Variants in FMNL2 observed in about 807,000 individuals in gnomAD.
The protein encoded by FMNL2 is formin-like protein 2.
Under a neutral mutation model 130.2 loss-of-function variants are expected in FMNL2, and 51 were observed. The observed-to-expected ratio is 0.39, with a 90% CI of 0.31 to 0.49. The LOEUF is 0.49. Among genes scored for constraint, FMNL2 ranks in the 20% least tolerant of loss-of-function variants. FMNL2 has a pLI of 0.85. For missense variants in FMNL2, 977 were observed against 1,316.2 expected, an observed-to-expected ratio of 0.74 and a Z score of 3.99; for synonymous variants, 465 against 467.1, an observed-to-expected ratio of 1.00 and a Z score of 0.06.
At chr2:152,633,099 C>T (rs1332487982) in intron 21 of FMNL2, among the ~76,000 whole-genome samples, 3 of 140,822 alleles carry the variant, frequency 2.1e-5, no homozygotes, top group African/African-American at 5.2e-5. Flanking sequence ...CTGTGCTCTT[C>T]TTTTTTTTTT....
chr2:152,350,810 C>T (rs970310550), intron 1 of FMNL2, among the ~76,000 whole-genome samples: 2 of 152,106 alleles, frequency 1.3e-5, no homozygotes, highest in East Asian at 1.9e-4. Flanking sequence ...TTTGAGAGGC[C>T]GAGGTGGGCA....
chr2:152,561,438 A>C (rs1695516676), intron 6 of FMNL2, among the ~76,000 whole-genome samples: 5 of 151,778 alleles, frequency 3.3e-5, no homozygotes, highest in South Asian at 4.2e-4. Context: ...GCTCTCTTTC[A>C]TTTCTCCAGT....
At chr2:152,366,232 G>A (rs1411824174) in intron 1 of FMNL2, among the ~76,000 whole-genome samples, 3 of 137,104 alleles carry the variant, frequency 2.2e-5, no homozygotes, top group Non-Finnish European at 3.0e-5. Context: ...ACAGTGAATT[G>A]AACAATGAGA....
chr2:152,349,199 A>T (rs1197124323), intron 1 of FMNL2, among the ~76,000 whole-genome samples: 1 of 152,132 alleles, frequency 6.6e-6, no homozygotes, highest in Non-Finnish European at 1.5e-5. Context: ...GAAGTTATAT[A>T]AGAAGGTGGT....
chr2:152,613,072 G>A (rs1490528474), intron 11 of FMNL2, among the ~76,000 whole-genome samples: 3 of 152,348 alleles, frequency 2.0e-5, no homozygotes, highest in East Asian at 1.9e-4. Context: ...CCCTTGAATA[G>A]ATGGGCCTAC....
chr2:152,539,214 G>C, intron 2 of FMNL2: 1 of 152,180 alleles, frequency 6.6e-6, no homozygotes, highest in Non-Finnish European at 1.5e-5. Flanking sequence ...CACCTCCAAA[G>C]TCTTGGTGAT....
chr2:152,515,786 G>A (rs1692734446), intron 1 of FMNL2, among the ~76,000 whole-genome samples: 1 of 152,166 alleles, frequency 6.6e-6, no homozygotes, highest in African/African-American at 2.4e-5. Context: ...GATAATGCAT[G>A]CAAAGAGCCT....
intron 1 of FMNL2, among the ~76,000 whole-genome samples, chr2:152,477,921 C>T (rs1690244582): frequency 6.6e-6 from 1 of 152,014 alleles, no homozygotes; most frequent in South Asian, 2.1e-4. Context: ...CTTCATACTA[C>T]ATGTAGATTT....
intron 15 of FMNL2, chr2:152,622,550 G>A (rs1440513574): frequency 2.2e-6 from 1 of 456,696 alleles, no homozygotes; most frequent in Non-Finnish European, 4.4e-6. Flanking sequence ...GGCCAATCAA[G>A]CTTTTCTGTA....
At chr2:152,454,682 A>G (rs1688850931) in intron 1 of FMNL2, among the ~76,000 whole-genome samples, 1 of 152,192 alleles carries the variant, frequency 6.6e-6, no homozygotes, top group South Asian at 2.1e-4. Context: ...GCAGAAAGGG[A>G]TGCTGGGAGC....
intron 15 of FMNL2, among the ~76,000 whole-genome samples, chr2:152,621,366 C>G (rs895839755): frequency 2.0e-5 from 3 of 152,210 alleles, no homozygotes; most frequent in Non-Finnish European, 4.4e-5. Flanking sequence ...GGGCCATGTC[C>G]TGTGTGATTG....
At chr2:152,574,096 C>A (rs1191340265) in intron 6 of FMNL2, among the ~76,000 whole-genome samples, 1 of 152,066 alleles carries the variant, frequency 6.6e-6, no homozygotes, top group Admixed American at 6.6e-5. Flanking sequence ...AGAACTGGAT[C>A]AGTAAATAAA....
chr2:152,608,713 C>G (rs1698524718), intron 10 of FMNL2, among the ~76,000 whole-genome samples: 1 of 151,910 alleles, frequency 6.6e-6, no homozygotes, highest in East Asian at 1.9e-4. Context: ...GAGATTGGTG[C>G]CTTGTCTCAT....
intron 1 of FMNL2, among the ~76,000 whole-genome samples, chr2:152,494,530 C>T (rs1391806087): frequency 6.6e-6 from 1 of 152,236 alleles, no homozygotes; most frequent in Admixed American, 6.5e-5. Context: ...CTGAAAAATA[C>T]GGGTATCAAA....
chr2:152,360,011 T>C (rs1028766114), intron 1 of FMNL2, among the ~76,000 whole-genome samples: 34 of 152,302 alleles, frequency 2.2e-4, no homozygotes, highest in African/African-American at 7.9e-4. Flanking sequence ...TAGATACAAG[T>C]TGGGAAAGTG....
chr2:152,420,493 G>A (rs1420848510), intron 1 of FMNL2, among the ~76,000 whole-genome samples: 1 of 152,176 alleles, frequency 6.6e-6, no homozygotes. Context: ...GAAAGTACTG[G>A]CTTTAATAAG....
chr2:152,371,595 G>A lies in FMNL2; in HGVS notation c.117+35875G>A, dbSNP rs145542446. Among the ~76,000 whole-genome samples the A allele has an allele frequency of 5.1e-3, 767 of 151,068 alleles. 5 individuals carry two copies. The highest frequency in any genetic ancestry group is 6.2e-3 in the Non-Finnish European group (422 of 67,782). ...GAGGCAGGAGAATCGCTTGAACCTG[G>A]GAGGCAGAGGTTGCAGTGAGCAGAG... On this transcript the variant is annotated intron_variant, in intron 1 of 25. Coordinates refer to ENST00000288670, the MANE Select transcript of FMNL2 (RefSeq NM_052905.4).
intron 16 of FMNL2, 134 bp from the exon 17 acceptor site, chr2:152,626,391 A>G (rs916585259): frequency 6.4e-5 from 45 of 708,660 alleles, no homozygotes; most frequent in Non-Finnish European, 9.2e-5. Flanking sequence ...AACAAGAAAA[A>G]TAGAGGAAGC....
chr2:152,426,343 C>T (rs1410270375), intron 1 of FMNL2, among the ~76,000 whole-genome samples: 2 of 152,188 alleles, frequency 1.3e-5, no homozygotes, highest in Non-Finnish European at 2.9e-5. Context: ...GCAGCCTAGA[C>T]AAGCAGCCGG....
Sources: allele counts gnomAD v4.1 joint callset (sites outside exome capture counted in the v4.1 genomes callset), GRCh38; gene constraint gnomAD v4.1.1; transcripts MANE v1.5; gene names NCBI Gene and HGNC (gene_info 2026-07-23, HGNC 2026-07-21).